The following NAALADL2 variants were observed in gnomAD, a reference collection of about 807,000 sequenced individuals.
NAALADL2 encodes inactive N-acetylated-alpha-linked acidic dipeptidase-like protein 2.
NAALADL2 carries 76 observed loss-of-function variants against 87.2 expected under a neutral mutation model. The observed-to-expected ratio is 0.87, with a 90% CI of 0.72 to 1.05. NAALADL2 has a LOEUF of 1.05. NAALADL2 is among the 50% of genes least tolerant of loss of function. NAALADL2 has a pLI of 0.00. For missense variants in NAALADL2, 1,089 were observed against 945.8 expected, an observed-to-expected ratio of 1.15 and a Z score of -1.99; for synonymous variants, 354 against 331.0, an observed-to-expected ratio of 1.07 and a Z score of -0.75.
chr3:175,064,935 A>T (rs1411344053), intron 1 of NAALADL2, among the ~76,000 whole-genome samples: 2 of 152,172 alleles, frequency 1.3e-5, no homozygotes, highest in African/African-American at 4.8e-5. Context: ...AGATATGATT[A>T]AATAATGCGT....
chr3:175,610,775 G>A (rs995131704), intron 10 of NAALADL2, among the ~76,000 whole-genome samples: 3 of 152,038 alleles, frequency 2.0e-5, no homozygotes, highest in Admixed American at 1.3e-4. Context: ...AGTTTAATAA[G>A]ATCCACTAAT....
intron 2 of NAALADL2, among the ~76,000 whole-genome samples, chr3:174,589,429 A>G (rs571537058): frequency 5.9e-5 from 9 of 152,314 alleles, no homozygotes. Flanking sequence ...TTGGAAATGC[A>G]GAAATCACCC....
chr3:175,331,622 G>C (rs1300372436), intron 5 of NAALADL2, among the ~76,000 whole-genome samples: 1 of 152,064 alleles, frequency 6.6e-6, no homozygotes, highest in Non-Finnish European at 1.5e-5. Flanking sequence ...ATGTAATAAA[G>C]GCTATATATG....
At chr3:174,934,223 T>G (rs924604885) in intron 1 of NAALADL2, among the ~76,000 whole-genome samples, 2 of 152,172 alleles carry the variant, frequency 1.3e-5, no homozygotes, top group Non-Finnish European at 2.9e-5. Flanking sequence ...TTCACACACT[T>G]TACTGTCCAA....
At chr3:175,027,072 G>T (rs1054946353) in intron 1 of NAALADL2, among the ~76,000 whole-genome samples, 8 of 152,028 alleles carry the variant, frequency 5.3e-5, no homozygotes, top group Non-Finnish European at 8.8e-5. Flanking sequence ...GGTTGGATTT[G>T]TATAGTCTTT....
intron 11 of NAALADL2, among the ~76,000 whole-genome samples, chr3:175,726,485 C>T (rs1742939652): frequency 6.6e-6 from 1 of 152,080 alleles, no homozygotes; most frequent in South Asian, 2.1e-4. Flanking sequence ...ATACACTGCT[C>T]CCTTGCCCCT....
intron 10 of NAALADL2, among the ~76,000 whole-genome samples, chr3:175,622,322 A>G (rs1726342473): frequency 6.6e-6 from 1 of 152,146 alleles, no homozygotes; most frequent in Non-Finnish European, 1.5e-5. Flanking sequence ...GCCTCTATTC[A>G]TTCAACAAGT....
chr3:174,467,529 G>T (rs1176119984), intron 1 of NAALADL2, among the ~76,000 whole-genome samples: 1 of 148,668 alleles, frequency 6.7e-6, no homozygotes, highest in Non-Finnish European at 1.5e-5. Context: ...GGAGGCAGAG[G>T]TTGCAGTGAG....
chr3:174,642,680 T>C (rs577124140), intron 2 of NAALADL2, among the ~76,000 whole-genome samples: 1 of 147,756 alleles, frequency 6.8e-6, no homozygotes, highest in African/African-American at 2.5e-5. Context: ...CTTGGTTGCT[T>C]GTTTCAAGTA....
intron 11 of NAALADL2, among the ~76,000 whole-genome samples, chr3:175,690,189 T>C (rs959452766): frequency 6.6e-6 from 1 of 152,032 alleles, no homozygotes; most frequent in East Asian, 1.9e-4. Context: ...GCCGTTCATA[T>C]TGGGCCAAAT....
chr3:174,775,154 AATATG>A (rs1715055234), intron 3 of NAALADL2, among the ~76,000 whole-genome samples: 1 of 152,142 alleles, frequency 6.6e-6, no homozygotes, highest in Non-Finnish European at 1.5e-5. Context: ...TAATTTATAT[AATATG>A]ATATTCATGT....
chr3:175,401,939 A>T (rs553080318), intron 5 of NAALADL2, among the ~76,000 whole-genome samples: 1 of 152,176 alleles, frequency 6.6e-6, no homozygotes, highest in South Asian at 2.1e-4. Context: ...TTTTGGTGGC[A>T]GGAGATGTTA....
intron 5 of NAALADL2, among the ~76,000 whole-genome samples, chr3:175,417,682 T>A (rs1390636219): frequency 6.6e-6 from 1 of 152,192 alleles, no homozygotes; most frequent in African/African-American, 2.4e-5. Context: ...ATATGTAAAA[T>A]AAGATTATAA....
chr3:175,490,389 T>G (rs567488740), intron 9 of NAALADL2, among the ~76,000 whole-genome samples: 2 of 152,090 alleles, frequency 1.3e-5, no homozygotes, highest in South Asian at 4.2e-4. Context: ...TTTGTTGTTG[T>G]TGTTTGTTTG....
intron 2 of NAALADL2, among the ~76,000 whole-genome samples, chr3:175,148,438 AG>A (rs1443126298): frequency 6.6e-6 from 1 of 151,916 alleles, no homozygotes; most frequent in East Asian, 1.9e-4. Context: ...AAAGCTCTTT[AG>A]TTTAATTAGG....
At chr3:175,176,741 T>A (rs1735751267) in intron 2 of NAALADL2, among the ~76,000 whole-genome samples, 1 of 151,422 alleles carries the variant, frequency 6.6e-6, no homozygotes, top group Non-Finnish European at 1.5e-5. Flanking sequence ...GAGGATGGAG[T>A]AAGGGGTCGG....
At chr3:174,674,712 C>T (rs960661595) in intron 2 of NAALADL2, among the ~76,000 whole-genome samples, 1 of 151,964 alleles carries the variant, frequency 6.6e-6, no homozygotes, top group Non-Finnish European at 1.5e-5. Flanking sequence ...TTTTTTTACA[C>T]TATCATTTTC....
intron 1 of NAALADL2, among the ~76,000 whole-genome samples, chr3:174,883,313 T>A (rs748382701): frequency 4.6e-5 from 7 of 152,074 alleles, no homozygotes; most frequent in Non-Finnish European, 1.0e-4. Context: ...CACTCAGTAT[T>A]AACCATCACA....
intron 1 of NAALADL2, among the ~76,000 whole-genome samples, chr3:174,903,371 G>C (rs537584013): frequency 6.6e-6 from 1 of 152,126 alleles, no homozygotes; most frequent in East Asian, 1.9e-4. Context: ...TAACATTTTA[G>C]AAATTTATTA....
Sources: allele counts gnomAD v4.1 joint callset (sites outside exome capture counted in the v4.1 genomes callset), GRCh38; gene constraint gnomAD v4.1.1; transcripts MANE v1.5; gene names NCBI Gene and HGNC (gene_info 2026-07-23, HGNC 2026-07-21).